The following DNAH14 variants were observed in gnomAD, a reference collection of about 807,000 sequenced individuals.
DNAH14 encodes dynein axonemal heavy chain 14.
A neutral mutation model predicts 520.9 loss-of-function variants in DNAH14; 478 were observed. That is an observed-to-expected ratio of 0.92 (90% CI 0.85 to 0.99). The LOEUF is 0.99. Among genes scored for constraint, DNAH14 ranks in the 50% least tolerant of loss-of-function variants. The pLI is 0.00. For missense variants in DNAH14, 4,831 were observed against 5,234.5 expected, an observed-to-expected ratio of 0.92 and a Z score of 2.38; for synonymous variants, 1,581 against 1,757.2, an observed-to-expected ratio of 0.90 and a Z score of 2.51.
At chr1:225,008,604 T>A (rs1396881836) in intron 10 of DNAH14, among the ~76,000 whole-genome samples, 1 of 149,554 alleles carries the variant, frequency 6.7e-6, no homozygotes, top group African/African-American at 2.5e-5. Context: ...TTTTTGTATT[T>A]TTAGTAGAGA....
intron 61 of DNAH14, among the ~76,000 whole-genome samples, chr1:225,319,464 G>A (rs1021459882): frequency 6.6e-6 from 1 of 152,066 alleles, no homozygotes; most frequent in African/African-American, 2.4e-5. Context: ...TGGAAATTTG[G>A]AGCAAACCTA....
At chr1:225,321,208 A>G (rs925810705) in intron 61 of DNAH14, among the ~76,000 whole-genome samples, 18 of 152,236 alleles carry the variant, frequency 1.2e-4, no homozygotes, top group Non-Finnish European at 2.4e-4. Context: ...TAATGAGACT[A>G]AAGATTAAAT....
intron 60 of DNAH14, among the ~76,000 whole-genome samples, chr1:225,315,474 T>C (rs1439536887): frequency 6.6e-6 from 1 of 152,054 alleles, no homozygotes; most frequent in Admixed American, 6.6e-5. Flanking sequence ...TCCAGTTTTG[T>C]TCCCTTGCTA....
At chr1:225,126,957 C>T (rs1458764466) in intron 27 of DNAH14, among the ~76,000 whole-genome samples, 3 of 151,460 alleles carry the variant, frequency 2.0e-5, no homozygotes, top group African/African-American at 4.9e-5. Context: ...GCCTTCATTT[C>T]GTTATGTACC....
At chr1:225,388,799 A>G (rs1202337536) in intron 82 of DNAH14, among the ~76,000 whole-genome samples, 1 of 151,856 alleles carries the variant, frequency 6.6e-6, no homozygotes, top group East Asian at 1.9e-4. Flanking sequence ...TTTTTGAGCC[A>G]AGAGTCTCCC....
rs186033654 is a variant in DNAH14, at chr1:225,399,050, A to G, written c.13639-4A>G. The G allele has an allele frequency of 1.4e-6, 2 of 1,398,340 alleles. No homozygotes were observed. The highest frequency in any genetic ancestry group is 2.6e-5 in the East Asian group (1 of 38,606). 86.6% of individuals were successfully genotyped at this position (1,398,340 alleles called of 1,614,324 possible). A position where few individuals can be genotyped will look rare whatever the true frequency, so the allele number is the denominator to read the frequency against. On this transcript the variant is annotated splice_region_variant and splice_polypyrimidine_tract_variant and intron_variant, in intron 85 of 85. Transcript: ENST00000682510. ...TGACTACTGGATTTTTTTTTTTTTTAAAGATTTCTACCAAAACACCAAATG... is the reference window on the plus strand; with the variant it reads ...TGACTACTGGATTTTTTTTTTTTTTGAAGATTTCTACCAAAACACCAAATG...
intron 56 of DNAH14, among the ~76,000 whole-genome samples, chr1:225,301,831 C>T (rs541145310): frequency 4.6e-5 from 7 of 152,152 alleles, no homozygotes; most frequent in Non-Finnish European, 4.4e-5. Flanking sequence ...CCAAAAATGA[C>T]TCCACAGTTG....
chr1:225,186,221 A>T (rs2149321231), intron 37 of DNAH14, among the ~76,000 whole-genome samples: 1 of 151,440 alleles, frequency 6.6e-6, no homozygotes, highest in African/African-American at 2.4e-5. Context: ...GGTTATGTGG[A>T]TTTTTTTTCT....
Position 224,971,381 on chromosome 1 carries a change from G to A in DNAH14, c.767+2507G>A, listed in dbSNP as rs201831677. ...GAGAAACTTTTTTTTTGTAAGAGAA[G>A]AAGGATTTTGTGACAGAGAAATTAA... is the stretch of plus-strand genomic sequence containing the variant. On this transcript the variant is annotated intron_variant, in intron 7 of 85. Coordinates refer to ENST00000682510, the MANE Select transcript of DNAH14 (RefSeq NM_001367479.1). Among the ~76,000 whole-genome samples the A allele has an allele frequency of 7.9e-5, 12 of 152,172 alleles. No homozygotes were observed. In the East Asian group the frequency reaches 2.1e-3, roughly 27 times the overall value.
At chr1:225,168,238 C>T (rs187971694) in intron 36 of DNAH14, among the ~76,000 whole-genome samples, 9 of 152,244 alleles carry the variant, frequency 5.9e-5, no homozygotes, top group Admixed American at 2.6e-4. Flanking sequence ...CCAGCGTGAG[C>T]GACGCAGAAG....
intron 11 of DNAH14, among the ~76,000 whole-genome samples, chr1:225,036,474 A>ATT (rs1304396328): frequency 6.6e-6 from 1 of 152,112 alleles, no homozygotes. Flanking sequence ...GGGAGAGTTT[A>ATT]TTAGAGGTTT....
At chr1:225,370,352 G>A (rs2095605183) in intron 77 of DNAH14, among the ~76,000 whole-genome samples, 1 of 151,090 alleles carries the variant, frequency 6.6e-6, no homozygotes, top group African/African-American at 2.4e-5. Context: ...AGCCCTGTCT[G>A]TATAAAAAGT....
rs2095285557 is a variant in DNAH14, at chr1:225,346,316, A to C, written c.11033A>C (p.Glu3678Ala). ...SISKEPNLEN[E>A]KNLLDKHIKS... ...TCAAAAGAACCCAACCTGGAAAATG[A>C]GAAAAATCTCTTAGATAAGCATATT... is the stretch of plus-strand genomic sequence containing the variant. The change falls in exon 70 of 86, where the codon GAG becomes GCG. Residue 3678 changes from glutamate (E) to alanine (A), a missense_variant. Physicochemically the swap from Glu to Ala is moderately radical, Grantham distance 107 (BLOSUM62 -1). Coordinates refer to ENST00000682510, the MANE Select transcript of DNAH14 (RefSeq NM_001367479.1). 6.5e-7 allele frequency: 1 copy of C among 1,541,492 alleles called. No individual in the cohort carries two copies. Among genetic ancestry groups the C allele is most frequent in the African/African-American group, 1.4e-5 (1 of 72,186 alleles).
At chr1:225,236,686 A>G (rs2091611615) in intron 42 of DNAH14, among the ~76,000 whole-genome samples, 1 of 152,168 alleles carries the variant, frequency 6.6e-6, no homozygotes, top group African/African-American at 2.4e-5. Flanking sequence ...TTCTTGTCAA[A>G]TTGAACCCTA....
intron 73 of DNAH14, among the ~76,000 whole-genome samples, chr1:225,355,875 C>T (rs1398225459): frequency 6.6e-6 from 1 of 152,134 alleles, no homozygotes; most frequent in African/African-American, 2.4e-5. Flanking sequence ...AATAGAAATT[C>T]TGTACCTGTT....
In DNAH14 at chr1:225,353,831, G is replaced by T; in HGVS notation, c.11562G>T (p.Thr3854=). Residue 3854 remains threonine (T), a synonymous_variant, in exon 73 of 86, where the codon ACG becomes ACT. Transcript: ENST00000682510. The part of the protein sequence containing the change: ...ETELLNENKE[T]CNPINFPWEK... ...AACTTTTGAATGAAAATAAAGAAACGTGTAATCCTATAAATTTTCCCTGGG... is the reference window on the plus strand; with the variant it reads ...AACTTTTGAATGAAAATAAAGAAACTTGTAATCCTATAAATTTTCCCTGGG... The T allele has an allele frequency of 1.3e-6, 2 of 1,520,562 alleles. No homozygotes were observed. Among genetic ancestry groups the T allele is most frequent in the Non-Finnish European group, 1.8e-6 (2 of 1,123,860 alleles). 94.2% of individuals were successfully genotyped at this position (1,520,562 alleles called of 1,614,324 possible).
chr1:225,350,077 T>A (rs73136918), intron 71 of DNAH14, among the ~76,000 whole-genome samples: 7,953 of 152,090 alleles, frequency 0.052, 665 homozygotes, highest in African/African-American at 0.18. Flanking sequence ...ATTCAAGAAG[T>A]CATACCAAGT....
In DNAH14 at chr1:225,385,604, A is replaced by T. The variant is rs538975115; in HGVS notation, c.13078-2775A>T. ...CCAATAACAGACAAACAGAGAGCCAAATCATGAGTGAACTCCCATTCACAA... is the reference window on the plus strand; with the variant it reads ...CCAATAACAGACAAACAGAGAGCCATATCATGAGTGAACTCCCATTCACAA... On this transcript the variant is annotated intron_variant, in intron 81 of 85. Transcript: ENST00000682510. Among the ~76,000 whole-genome samples the T allele has an allele frequency of 2.0e-5, 3 of 152,330 alleles. No homozygotes were observed. In the East Asian group the frequency reaches 5.8e-4, roughly 29 times the overall value.
At chr1:225,341,322 C>T (rs1390976822) in intron 69 of DNAH14, among the ~76,000 whole-genome samples, 4 of 152,030 alleles carry the variant, frequency 2.6e-5, no homozygotes, top group Non-Finnish European at 5.9e-5. Flanking sequence ...TTTATGTATC[C>T]CATTAAAACA....
Sources: gnomAD v4.1 joint callset for allele counts (sites outside exome capture counted in the v4.1 genomes callset) on GRCh38, gnomAD v4.1.1 for gene constraint, MANE v1.5 for transcripts, NCBI Gene and HGNC (gene_info 2026-07-23, HGNC 2026-07-21) for gene names.